KCNK2: variants seen among roughly 807,000 people sequenced by gnomAD.
KCNK2 encodes potassium channel subfamily K member 2.
Under a neutral mutation model 40.5 loss-of-function variants are expected in KCNK2, and 21 were observed. The ratio of observed to expected loss-of-function variants is 0.52; its 90% CI spans 0.37 to 0.75. KCNK2 has a LOEUF of 0.75. KCNK2 is among the 30% of genes least tolerant of loss of function. The probability of loss-of-function intolerance (pLI) is 0.00; values close to 1 mark genes in which losing one functional copy is unlikely to be tolerated. For missense variants in KCNK2, 399 were observed against 531.6 expected (o/e 0.75, Z 2.45); for synonymous variants, 191 against 202.2 (o/e 0.94, Z 0.47).
intron 1 of KCNK2, among the ~76,000 whole-genome samples, chr1:215,017,998 G>T (rs1007546326): frequency 2.0e-5 from 3 of 152,118 alleles, no homozygotes; most frequent in African/African-American, 7.2e-5. Context: ...CATTTTGAGA[G>T]AATGAAGGAA....
chr1:215,096,408 T>A (rs1381029192), intron 2 of KCNK2, among the ~76,000 whole-genome samples: 1 of 152,008 alleles, frequency 6.6e-6, no homozygotes, highest in African/African-American at 2.4e-5. Context: ...CATGTGATAT[T>A]TTGATCCAAG....
intron 2 of KCNK2, among the ~76,000 whole-genome samples, chr1:215,114,836 C>G (rs1181277627): frequency 6.6e-6 from 1 of 152,118 alleles, no homozygotes; most frequent in Non-Finnish European, 1.5e-5. Flanking sequence ...TCAACTCACT[C>G]AAAGTGAGAA....
chr1:215,126,115 G>C (rs1403243039), intron 3 of KCNK2, among the ~76,000 whole-genome samples: 2 of 152,016 alleles, frequency 1.3e-5, no homozygotes, highest in Non-Finnish European at 2.9e-5. Flanking sequence ...CATATCAGTA[G>C]ATTATATCAA....
intron 2 of KCNK2, among the ~76,000 whole-genome samples, chr1:215,099,634 T>C (rs191694509): frequency 6.6e-6 from 1 of 152,042 alleles, no homozygotes; most frequent in Non-Finnish European, 1.5e-5. Flanking sequence ...GTGGTACATG[T>C]CAGGACAGAG....
chr1:215,012,894 G>C (rs10429947), intron 1 of KCNK2, among the ~76,000 whole-genome samples: 13,491 of 151,802 alleles, frequency 0.089, 1,396 homozygotes, highest in African/African-American at 0.25. Context: ...AACAATTGAT[G>C]AACTTTTTTC....
intron 3 of KCNK2, among the ~76,000 whole-genome samples, chr1:215,130,075 G>T (rs1330211558): frequency 1.3e-5 from 2 of 152,086 alleles, no homozygotes; most frequent in Non-Finnish European, 2.9e-5. Context: ...TTCAAGATGG[G>T]GGCTAATAGC....
chr1:215,109,460 T>C (rs991394395), intron 2 of KCNK2, among the ~76,000 whole-genome samples: 4 of 152,060 alleles, frequency 2.6e-5, no homozygotes, highest in African/African-American at 7.2e-5. Context: ...ACATGTGAGA[T>C]TTATATTTCT....
rs1370405920 is a variant in KCNK2 at position 215,076,685 on chromosome 1, AT to A, written c.35-9680del. ...TATTCCATCACTTGTGCCATATTCT[AT>A]TTATCAGAAGGAGTCAGTAAATCCA... On this transcript the variant is annotated intron_variant, in intron 1 of 6. Coordinates refer to the KCNK2 transcript ENST00000391895. Among the ~76,000 whole-genome samples, 5 of 152,152 alleles carry A rather than the reference AT, an allele frequency of 3.3e-5. No individual in the cohort carries two copies. In the South Asian group the frequency reaches 8.3e-4, roughly 25 times the overall value.
intron 3 of KCNK2, among the ~76,000 whole-genome samples, chr1:215,161,196 C>T (rs7547572): frequency 0.58 from 88,291 of 152,004 alleles, 27,490 homozygotes; most frequent in Non-Finnish European, 0.69. Flanking sequence ...TATGATTCTT[C>T]ATTATTTAGC....
At chr1:215,026,115 T>TAC (rs2102481861) in intron 1 of KCNK2, among the ~76,000 whole-genome samples, 1 of 152,164 alleles carries the variant, frequency 6.6e-6, no homozygotes, top group South Asian at 2.1e-4. Flanking sequence ...AAAATATATA[T>TAC]ACACATATTT....
intron 1 of KCNK2, chr1:215,006,068 C>T (rs1455201442): frequency 1.1e-6 from 1 of 916,872 alleles, no homozygotes; most frequent in African/African-American, 1.7e-5. Context: ...ATATGAAAGT[C>T]TATAATTAAA....
Position 215,235,153 on chromosome 1 carries a change from T to C in KCNK2, c.*8T>C, listed in dbSNP as rs1666830411. 6.3e-7 allele frequency: 1 copy of C among 1,589,548 alleles called. No individual in the cohort carries two copies. Among genetic ancestry groups the C allele is most frequent in the Admixed American group, 1.7e-5 (1 of 59,622 alleles). ...ATTGAGAACATCAAATAGCCCTCTCTTTAAATAACCTTAGGCATAGCCATA... is the reference window on the plus strand; with the variant it reads ...ATTGAGAACATCAAATAGCCCTCTCCTTAAATAACCTTAGGCATAGCCATA... On this transcript the variant is annotated 3_prime_UTR_variant, in exon 7 of 7. Coordinates refer to ENST00000444842, the MANE Select transcript of KCNK2 (RefSeq NM_001017425.3).
intron 2 of KCNK2, among the ~76,000 whole-genome samples, chr1:215,107,419 C>A (rs1366278655): frequency 6.6e-6 from 1 of 151,992 alleles, no homozygotes; most frequent in Non-Finnish European, 1.5e-5. Flanking sequence ...TTTTGAGGAA[C>A]TTCCATACTA....
In KCNK2 at chr1:215,172,582, T is replaced by C. The variant is rs539204749; in HGVS notation, c.823+399T>C. ...TAAGCATACCAGTCAAATTATATTATAGGCCCATCCTACGCAAGTATAACA... is the reference window on the plus strand; with the variant it reads ...TAAGCATACCAGTCAAATTATATTACAGGCCCATCCTACGCAAGTATAACA... On this transcript the variant is annotated intron_variant, in intron 5 of 6. Coordinates refer to ENST00000444842, the MANE Select transcript of KCNK2 (RefSeq NM_001017425.3). 5.3e-5 allele frequency among the ~76,000 whole-genome samples: 8 copies of C among 152,310 alleles called. No homozygotes were observed. In the East Asian group the frequency reaches 1.5e-3, roughly 29 times the overall value.
intron 1 of KCNK2, among the ~76,000 whole-genome samples, chr1:215,075,517 A>T (rs995822919): frequency 1.3e-5 from 2 of 152,252 alleles, no homozygotes; most frequent in East Asian, 3.9e-4. Context: ...CATCTTTTTG[A>T]CCACTATATC....
At chr1:215,197,523 A>G (rs904573132) in intron 6 of KCNK2, among the ~76,000 whole-genome samples, 4 of 152,162 alleles carry the variant, frequency 2.6e-5, no homozygotes, top group South Asian at 2.1e-4. Flanking sequence ...CACCAGTCCT[A>G]TCGGATTAGG....
intron 2 of KCNK2, among the ~76,000 whole-genome samples, chr1:215,115,679 G>A (rs1368996352): frequency 6.6e-6 from 1 of 151,430 alleles, no homozygotes; most frequent in Non-Finnish European, 1.5e-5. Context: ...CTTGCCTTTT[G>A]GTTTCTTTCT....
At position 215,072,757 on chromosome 1, in the gene KCNK2, T is replaced by C. The variant is rs553330037; in HGVS notation, c.35-13611T>C. 2.6e-5 allele frequency among the ~76,000 whole-genome samples: 4 copies of C among 152,272 alleles called. No homozygotes were observed. In the South Asian group the frequency reaches 8.3e-4, roughly 32 times the overall value. On this transcript the variant is annotated intron_variant, in intron 1 of 6. Transcript: ENST00000391895. ...GATGGTCTTGCATTCATTTAATAAA[T>C]AATGATTTTTTGCATACTACATGTA... is the stretch of plus-strand genomic sequence containing the variant.
chr1:215,019,341 A>G (rs963614079), intron 1 of KCNK2, among the ~76,000 whole-genome samples: 1 of 152,216 alleles, frequency 6.6e-6, no homozygotes, highest in African/African-American at 2.4e-5. Context: ...TGTGTTTCTT[A>G]CTGAGCTCAC....
Sources: gnomAD v4.1 joint callset for allele counts (sites outside exome capture counted in the v4.1 genomes callset) on GRCh38, gnomAD v4.1.1 for gene constraint, MANE v1.5 for transcripts, NCBI Gene and HGNC (gene_info 2026-07-23, HGNC 2026-07-21) for gene names.